Variants in RGS21 observed in about 807,000 individuals in gnomAD.
RGS21 encodes the protein regulator of G-protein signalling 21.
In RGS21, 19 loss-of-function variants were observed where a neutral mutation model predicts 18.7. That is an observed-to-expected ratio of 1.01 (90% CI 0.71 to 1.49). The LOEUF is 1.49. RGS21 is among the 40% of genes most tolerant of loss of function. The probability of loss-of-function intolerance (pLI) is 0.00; values close to 1 mark genes in which losing one functional copy is unlikely to be tolerated. For missense variants in RGS21, 194 were observed against 176.8 expected (o/e 1.10, Z -0.55); for synonymous variants, 56 against 57.8 (o/e 0.97, Z 0.14).
chr1:192,364,103 A>G (rs950367694), intron 4 of RGS21, among the ~76,000 whole-genome samples: 1 of 152,086 alleles, frequency 6.6e-6, no homozygotes, highest in Non-Finnish European at 1.5e-5. Context: ...AAGCTAACTC[A>G]CCCAAGGTCA....
At chr1:192,353,229 A>G (rs889141873) in intron 4 of RGS21, among the ~76,000 whole-genome samples, 3 of 152,128 alleles carry the variant, frequency 2.0e-5, no homozygotes, top group Admixed American at 6.6e-5. Flanking sequence ...GTTAGTTACC[A>G]TATTACTAAT....
At chr1:192,363,586 G>C (rs1009792531) in intron 4 of RGS21, among the ~76,000 whole-genome samples, 2 of 152,044 alleles carry the variant, frequency 1.3e-5, no homozygotes, top group Admixed American at 1.3e-4. Context: ...GGCAAACACT[G>C]TATATGTTCA....
chr1:192,365,605 TAGAAA>T (rs969640585), intron 4 of RGS21, among the ~76,000 whole-genome samples: 9 of 152,132 alleles, frequency 5.9e-5, no homozygotes, highest in Non-Finnish European at 1.0e-4. Context: ...TTCAAAGTGT[TAGAAA>T]AGAAAAGGTA....
rs572943355 is a variant in RGS21, at chr1:192,349,824, G to A, written c.89-2223G>A. ...CAAGGGAAAATAATGATTGTATCTT[G>A]ATCTCTAACTTCCCATCTCTCTGGG... On this transcript the variant is annotated intron_variant, in intron 3 of 4. Coordinates refer to ENST00000417209, the MANE Select transcript of RGS21 (RefSeq NM_001039152.3). Among the ~76,000 whole-genome samples, 7 of 152,196 alleles carry A rather than the reference G, an allele frequency of 4.6e-5. No homozygotes were observed. In the South Asian group the frequency reaches 1.2e-3, roughly 27 times the overall value.
chr1:192,359,266 G>A lies in RGS21; in HGVS notation c.256-6655G>A, dbSNP rs78899587. 1.2e-3 allele frequency among the ~76,000 whole-genome samples: 179 copies of A among 152,098 alleles called. 1 individual carries two copies. The Middle Eastern group carries it at 0.024, about 20-fold the overall frequency. On this transcript the variant is annotated intron_variant, in intron 4 of 4. Transcript: ENST00000417209. ...TATGTCAGTAAATAAAATACATGTG[G>A]CACTGTTTTTTTTGGTTAATTGATA...
intron 3 of RGS21, among the ~76,000 whole-genome samples, chr1:192,347,982 G>T (rs1439352498): frequency 6.7e-6 from 1 of 150,250 alleles, no homozygotes; most frequent in Admixed American, 6.6e-5. Context: ...CTGTGTGTGT[G>T]TGTGTGTGTA....
At chr1:192,333,942 G>A (rs1027368507) in intron 1 of RGS21, among the ~76,000 whole-genome samples, 1 of 152,074 alleles carries the variant, frequency 6.6e-6, no homozygotes, top group Non-Finnish European at 1.5e-5. Context: ...ATATCTGCCT[G>A]TGAATATATA....
chr1:192,355,001 T>C (rs1409677768), intron 4 of RGS21, among the ~76,000 whole-genome samples: 3 of 151,722 alleles, frequency 2.0e-5, no homozygotes, highest in Non-Finnish European at 4.4e-5. Context: ...TTCAGGTCTC[T>C]ATGAGAGATG....
chr1:192,365,354 G>A (rs1659239560), intron 4 of RGS21, among the ~76,000 whole-genome samples: 1 of 151,970 alleles, frequency 6.6e-6, no homozygotes, highest in Non-Finnish European at 1.5e-5. Context: ...GCCTATATGT[G>A]GTAATGATAA....
chr1:192,346,939 A>G (rs888378548), intron 2 of RGS21, among the ~76,000 whole-genome samples: 6 of 152,168 alleles, frequency 3.9e-5, no homozygotes, highest in African/African-American at 1.2e-4. Flanking sequence ...TAGTTTATTC[A>G]TCACCATTGC....
At chr1:192,321,335 G>T (rs1658495928) in intron 1 of RGS21, among the ~76,000 whole-genome samples, 1 of 151,756 alleles carries the variant, frequency 6.6e-6, no homozygotes, top group Non-Finnish European at 1.5e-5. Flanking sequence ...TCAATCTCAA[G>T]AATATAAAAT....
chr1:192,353,827 T>C (rs1659077435), intron 4 of RGS21, among the ~76,000 whole-genome samples: 1 of 151,716 alleles, frequency 6.6e-6, no homozygotes, highest in Non-Finnish European at 1.5e-5. Flanking sequence ...TAATTAATTT[T>C]GATAAAACAA....
chr1:192,334,026 C>T (rs1297721256), intron 1 of RGS21, among the ~76,000 whole-genome samples: 1 of 152,016 alleles, frequency 6.6e-6, no homozygotes, highest in Non-Finnish European at 1.5e-5. Flanking sequence ...AATTATTAAT[C>T]CTTTGGAAAA....
chr1:192,352,816 A>C (rs1218353520), intron 4 of RGS21, among the ~76,000 whole-genome samples: 1 of 152,040 alleles, frequency 6.6e-6, no homozygotes, highest in Non-Finnish European at 1.5e-5. Context: ...ATAGCGCTCC[A>C]AACGTGTTTT....
At chr1:192,317,455 A>C (rs1466915012) in intron 1 of RGS21, among the ~76,000 whole-genome samples, 1 of 151,904 alleles carries the variant, frequency 6.6e-6, no homozygotes, top group Non-Finnish European at 1.5e-5. Flanking sequence ...GTAAAAAAAA[A>C]AAATCTATCT....
chr1:192,323,831 A>G (rs535758642), intron 1 of RGS21, among the ~76,000 whole-genome samples: 1 of 152,264 alleles, frequency 6.6e-6, no homozygotes, highest in African/African-American at 2.4e-5. Context: ...AGAAATGAAT[A>G]AAAACTAAAG....
Position 192,367,111 on chromosome 1 carries a change from T to G in RGS21, c.*987T>G, listed in dbSNP as rs573751761. On this transcript the variant is annotated 3_prime_UTR_variant, in exon 5 of 5. Transcript: ENST00000417209. The stretch of plus-strand genomic sequence containing the variant: ...TCAACAGATCTCCCACGTTTCCATT[T>G]TCTTTGCACAGATTTATTTATCTGC... 9.9e-5 allele frequency: 15 copies of G among 152,252 alleles called. No individual in the cohort carries two copies. The highest frequency in any genetic ancestry group is 3.1e-4 in the African/African-American group (13 of 41,594). The allele number at this position is 152,252 out of a possible 1,614,324, so 9.4% of individuals were successfully genotyped here.
At chr1:192,343,362 T>C (rs1425909269) in intron 2 of RGS21, among the ~76,000 whole-genome samples, 1 of 152,002 alleles carries the variant, frequency 6.6e-6, no homozygotes, top group African/African-American at 2.4e-5. Context: ...CTTGCAAAAA[T>C]TATCACAACG....
chr1:192,350,896 A>G (rs1295494625), intron 3 of RGS21, among the ~76,000 whole-genome samples: 1 of 152,184 alleles, frequency 6.6e-6, no homozygotes, highest in African/African-American at 2.4e-5. Flanking sequence ...AAGTGGTCAC[A>G]ATATCAAATA....
Sources: gnomAD v4.1 joint callset for allele counts (sites outside exome capture counted in the v4.1 genomes callset) on GRCh38, gnomAD v4.1.1 for gene constraint, MANE v1.5 for transcripts, NCBI Gene and HGNC (gene_info 2026-07-23, HGNC 2026-07-21) for gene names.